GATAD2A: variants seen among roughly 807,000 people sequenced by gnomAD.
GATAD2A encodes GATA zinc finger domain containing 2A, also known as transcriptional repressor p66-alpha.
In GATAD2A, 12 loss-of-function variants were observed where a neutral mutation model predicts 68.5. The ratio of observed to expected loss-of-function variants is 0.18; its 90% CI spans 0.11 to 0.28. GATAD2A has a LOEUF of 0.28. Among genes scored for constraint, GATAD2A ranks in the 10% least tolerant of loss-of-function variants. The pLI is 1.00. For synonymous variants in GATAD2A, 410 were observed against 375.3 expected (o/e 1.09, Z -1.07); for missense variants, 755 against 868.5 (o/e 0.87, Z 1.64).
At chr19:19,443,625 G>A (rs2055359778) in intron 1 of GATAD2A, among the ~76,000 whole-genome samples, 1 of 152,170 alleles carries the variant, frequency 6.6e-6, no homozygotes, top group South Asian at 2.1e-4. Context: ...TGGAGGACAC[G>A]AGGGTGGTCC....
intron 2 of GATAD2A, among the ~76,000 whole-genome samples, chr19:19,484,573 C>T (rs1260018595): frequency 6.8e-6 from 1 of 147,028 alleles, no homozygotes; most frequent in South Asian, 2.2e-4. Context: ...GGCTGTCGCC[C>T]AGGCTGGAGT....
intron 4 of GATAD2A, among the ~76,000 whole-genome samples, chr19:19,493,578 C>T (rs2059948274): frequency 6.6e-6 from 1 of 152,194 alleles, no homozygotes; most frequent in South Asian, 2.1e-4. Context: ...TTTGAGTGCT[C>T]TGTTCTGGGA....
chr19:19,440,953 C>T (rs2054971056), intron 1 of GATAD2A, among the ~76,000 whole-genome samples: 1 of 86,770 alleles, frequency 1.2e-5, no homozygotes, highest in African/African-American at 6.3e-5. Context: ...CCTTTCCTTC[C>T]TTTTCTTCCT....
At chr19:19,440,155 A>T (rs1253092105) in intron 1 of GATAD2A, 1 of 418,004 alleles carries the variant, frequency 2.4e-6, no homozygotes, top group Non-Finnish European at 4.8e-6. Context: ...AGTTGAAATG[A>T]CAAGCAGAAA....
At chr19:19,393,769 A>T (rs1249329174) in intron 1 of GATAD2A, among the ~76,000 whole-genome samples, 1 of 152,048 alleles carries the variant, frequency 6.6e-6, no homozygotes, top group African/African-American at 2.4e-5. Context: ...GACAGAAATT[A>T]TGGCATTTTC....
At position 19,419,338 on chromosome 19, in the gene GATAD2A, G is replaced by A. The variant is rs547285687; in HGVS notation, c.-7+13319G>A. Among the ~76,000 whole-genome samples, 4 of 152,226 alleles carry A rather than the reference G, an allele frequency of 2.6e-5. No homozygotes were observed. The South Asian group carries it at 8.3e-4, about 32-fold the overall frequency. On this transcript the variant is annotated intron_variant, in intron 1 of 11. Transcript: ENST00000683918. ...GCCCCTTCCTGCATCTCGTACACTG[G>A]CAGACAGGGACTCAGAGGCCAGGTG...
Position 19,504,310 on chromosome 19 carries a change from A to G in GATAD2A, c.1775-1034A>G, listed in dbSNP as rs371696260. ...ATTATAAAAATGATATTTGTCCATCATGGAAATTTGGAAAATACAGAGAGA... is the reference window on the plus strand; with the variant it reads ...ATTATAAAAATGATATTTGTCCATCGTGGAAATTTGGAAAATACAGAGAGA... On this transcript the variant is annotated intron_variant, in intron 11 of 11. Coordinates refer to ENST00000683918, the MANE Select transcript of GATAD2A (RefSeq NM_001384528.1). 6.6e-5 allele frequency among the ~76,000 whole-genome samples: 10 copies of G among 152,340 alleles called. No homozygotes were observed. In the East Asian group the frequency reaches 1.9e-3, roughly 29 times the overall value.
In GATAD2A at chr19:19,465,512, C is replaced by T. The variant is rs752197724; in HGVS notation, c.167C>T (p.Pro56Leu). The T allele has an allele frequency of 3.4e-5, 55 of 1,613,890 alleles. No individual in the cohort carries two copies. The East Asian group carries it at 4.0e-4, about 12-fold the overall frequency. ...GTGACACCTGAGCCGGGAGCAGGTC[C>T]AACCCAAGGATTGCTGAGGGCAACA... Reference protein sequence around the residue: ...MRVTPEPGAGPTQGLLRATEA... With the variant: ...MRVTPEPGAGLTQGLLRATEA... Residue 56 changes from proline (P) to leucine (L), a missense_variant, in exon 2 of 12, where the codon CCA becomes CTA. Coordinates refer to ENST00000683918, the MANE Select transcript of GATAD2A (RefSeq NM_001384528.1).
At chr19:19,432,986 A>G (rs768471834) in intron 1 of GATAD2A, among the ~76,000 whole-genome samples, 2 of 152,222 alleles carry the variant, frequency 1.3e-5, no homozygotes, top group Non-Finnish European at 2.9e-5. Context: ...GGCAGAACCA[A>G]CAGGCTTTCC....
chr19:19,481,677 T>C (rs1374293809), intron 2 of GATAD2A, among the ~76,000 whole-genome samples: 2 of 152,216 alleles, frequency 1.3e-5, no homozygotes, highest in Non-Finnish European at 1.5e-5. Context: ...GGGTAAGTTA[T>C]CATTTCTTGA....
chr19:19,508,675 A>G lies in GATAD2A; in HGVS notation c.*3201A>G, dbSNP rs2144614491. 6.6e-6 allele frequency: 1 copy of G among 152,350 alleles called. No homozygotes were observed. Among genetic ancestry groups the G allele is most frequent in the East Asian group, 1.9e-4 (1 of 5,190 alleles). 9.4% of individuals were successfully genotyped at this position (152,350 alleles called of 1,614,324 possible). On this transcript the variant is annotated 3_prime_UTR_variant, in exon 12 of 12. Transcript: ENST00000683918. ...ACTGAGCTTTTAAAAAAGGACAGCA[A>G]ACAATTTTATAATCCTTAAAGTGTA...
intron 1 of GATAD2A, among the ~76,000 whole-genome samples, chr19:19,414,618 A>G (rs1234183510): frequency 1.4e-5 from 2 of 140,260 alleles, no homozygotes; most frequent in East Asian, 2.0e-4. Context: ...GCTCACTGCA[A>G]CCTCTGCATC....
intron 1 of GATAD2A, among the ~76,000 whole-genome samples, chr19:19,441,028 TCC>T: frequency 6.8e-6 from 1 of 146,078 alleles, no homozygotes; most frequent in Non-Finnish European, 1.5e-5. Flanking sequence ...TTCCCTTCCT[TCC>T]CTTCCTTCTT....
chr19:19,468,475 T>G (rs2148056858), intron 2 of GATAD2A, among the ~76,000 whole-genome samples: 1 of 152,302 alleles, frequency 6.6e-6, no homozygotes, highest in South Asian at 2.1e-4. Flanking sequence ...AAACCCTAAA[T>G]AGCATAAGTA....
intron 7 of GATAD2A, 37 bp downstream of exon 7, chr19:19,496,256 T>TG (rs779960713): frequency 7.3e-5 from 116 of 1,578,298 alleles, no homozygotes; most frequent in Non-Finnish European, 9.6e-5. Context: ...GGAGAGTGTG[T>TG]GTCCCACCTG....
At chr19:19,420,329 G>C (rs570916875) in intron 1 of GATAD2A, among the ~76,000 whole-genome samples, 11 of 105,946 alleles carry the variant, frequency 1.0e-4, no homozygotes, top group African/African-American at 3.9e-4. Flanking sequence ...AGCCCATCTT[G>C]ACTTTTTTTT....
chr19:19,480,151 A>G (rs1247362743), intron 2 of GATAD2A, among the ~76,000 whole-genome samples: 2 of 152,162 alleles, frequency 1.3e-5, no homozygotes, highest in South Asian at 2.1e-4. Context: ...CACCTCTTCA[A>G]AGGTGAATTG....
At chr19:19,400,273 G>C (rs1032488658) in intron 1 of GATAD2A, among the ~76,000 whole-genome samples, 4 of 152,162 alleles carry the variant, frequency 2.6e-5, no homozygotes, top group Non-Finnish European at 5.9e-5. Flanking sequence ...GGGCCACACA[G>C]AGACTCAGTC....
At chr19:19,456,907 G>T (rs181247764) in intron 1 of GATAD2A, among the ~76,000 whole-genome samples, 1 of 152,332 alleles carries the variant, frequency 6.6e-6, no homozygotes, top group East Asian at 1.9e-4. Context: ...GCTGATGAGA[G>T]TATTTACCTT....
Sources: gnomAD v4.1 joint callset for allele counts (sites outside exome capture counted in the v4.1 genomes callset) on GRCh38, gnomAD v4.1.1 for gene constraint, MANE v1.5 for transcripts, NCBI Gene and HGNC (gene_info 2026-07-23, HGNC 2026-07-21) for gene names.